PHACTR2: variants seen among roughly 807,000 people sequenced by gnomAD.
PHACTR2 encodes the protein phosphatase and actin regulator 2.
PHACTR2 carries 30 observed loss-of-function variants against 76.0 expected under a neutral mutation model. That is an observed-to-expected ratio of 0.39 (90% CI 0.30 to 0.54). The LOEUF (loss-of-function observed/expected upper bound fraction) is 0.54. PHACTR2 is among the 20% of genes least tolerant of loss of function. The pLI is 0.61. For synonymous variants in PHACTR2, 292 were observed against 292.5 expected (o/e 1.00, Z 0.02); for missense variants, 696 against 781.1 (o/e 0.89, Z 1.30).
rs1379101722 is a variant in PHACTR2 at position 143,821,257 on chromosome 6, G to A, written c.1923-2417G>A. ...TAGTAATAAATTGCCTACCAGTTTT[G>A]TAAAGCTTGGTATATCTTATTTTTC... On this transcript the variant is annotated intron_variant, in intron 12 of 12. Coordinates refer to ENST00000440869, the MANE Select transcript of PHACTR2 (RefSeq NM_001100164.2). The surrounding 1 kb of genome is among the most constrained non-coding windows in gnomAD (Gnocchi z 5.2). 6.6e-6 allele frequency among the ~76,000 whole-genome samples: 1 copy of A among 152,226 alleles called. No homozygotes were observed. Among genetic ancestry groups the A allele is most frequent in the African/African-American group, 2.4e-5 (1 of 41,458 alleles).
chr6:143,605,459 G>A (rs908882002), upstream of PHACTR2, among the ~76,000 whole-genome samples: 4 of 152,158 alleles, frequency 2.6e-5, no homozygotes, highest in African/African-American at 7.2e-5. This position sits in a 1 kb window ranked among gnomAD's most constrained non-coding sequence, Gnocchi z 5.0. Context: ...ATCAAGGGAG[G>A]GAGTGGATTC....
rs1776081311 is a variant in PHACTR2, at chr6:143,617,837, C to A, written c.13+9515C>A. Among the ~76,000 whole-genome samples the A allele has an allele frequency of 6.6e-6, 1 of 152,146 alleles. No individual in the cohort carries two copies. The highest frequency in any genetic ancestry group is 6.5e-5 in the Admixed American group (1 of 15,284). On this transcript the variant is annotated intron_variant, in intron 1 of 11. Coordinates refer to the PHACTR2 transcript ENST00000305766. This position sits in a 1 kb window ranked among gnomAD's most constrained non-coding sequence, Gnocchi z 4.8. Reference sequence around the variant, plus strand: ...GAAGCCAGACTTTCTATAATCCACCCTTGTGGAGTCTGTAGACTGGATCAA... The same window carrying A: ...GAAGCCAGACTTTCTATAATCCACCATTGTGGAGTCTGTAGACTGGATCAA...
In PHACTR2 at chr6:143,659,661, A is replaced by AG. The variant is rs760811252; in HGVS notation, c.13+51343dup. ...AAGACAGACGTGCCCTCTCAGGGGG[A>AG]GGGGATCACACAAAGGTGGATTACC... On this transcript the variant is annotated intron_variant, in intron 1 of 11. Coordinates refer to the PHACTR2 transcript ENST00000305766. The surrounding 1 kb of genome is among the most constrained non-coding windows in gnomAD (Gnocchi z 5.0). Among the ~76,000 whole-genome samples the AG allele has an allele frequency of 6.6e-5, 10 of 152,132 alleles. No individual in the cohort carries two copies. The highest frequency in any genetic ancestry group is 1.3e-4 in the Non-Finnish European group (9 of 68,014).
At chr6:143,594,953 G>A (rs1775732264) in intron 1 of PHACTR2, among the ~76,000 whole-genome samples, 1 of 152,216 alleles carries the variant, frequency 6.6e-6, no homozygotes, top group African/African-American at 2.4e-5. Flanking sequence ...TTTTAGCAGA[G>A]CTCCTTTGTA....
chr6:143,607,105 G>T (rs942493097), upstream of PHACTR2, among the ~76,000 whole-genome samples: 27 of 152,138 alleles, frequency 1.8e-4, no homozygotes, highest in Admixed American at 2.6e-4. Context: ...ATGGCATAAA[G>T]AAATGCTTAA....
chr6:143,634,082 A>C (rs1031553517), intron 1 of PHACTR2, among the ~76,000 whole-genome samples: 6 of 152,224 alleles, frequency 3.9e-5, no homozygotes, highest in African/African-American at 1.4e-4. Flanking sequence ...GAAGTAAAAT[A>C]ATCTCATGTA....
At position 143,611,342 on chromosome 6, in the gene PHACTR2, G is replaced by A. The variant is rs143810031; in HGVS notation, c.13+3020G>A. On this transcript the variant is annotated intron_variant, in intron 1 of 11. Coordinates refer to the PHACTR2 transcript ENST00000305766. This position sits in a 1 kb window ranked among gnomAD's most constrained non-coding sequence, Gnocchi z 4.4. ...GGTTCAAAGCCTTTTGACAATTGATGTACATTCATTGAGTTTGAGAAGGTC... is the reference window on the plus strand; with the variant it reads ...GGTTCAAAGCCTTTTGACAATTGATATACATTCATTGAGTTTGAGAAGGTC... Among the ~76,000 whole-genome samples, 14 of 152,254 alleles carry A rather than the reference G, an allele frequency of 9.2e-5. No individual in the cohort carries two copies. Among genetic ancestry groups the A allele is most frequent in the African/African-American group, 3.1e-4 (13 of 41,542 alleles).
intron 2 of PHACTR2, among the ~76,000 whole-genome samples, chr6:143,716,573 A>C (rs1778306819): frequency 6.6e-6 from 1 of 152,194 alleles, no homozygotes; most frequent in South Asian, 2.1e-4. Flanking sequence ...TCCCGGGCTC[A>C]AGCAATCTGC....
intron 1 of PHACTR2, among the ~76,000 whole-genome samples, chr6:143,614,051 A>C (rs113094458): frequency 0.088 from 13,337 of 152,000 alleles, 592 homozygotes; most frequent in East Asian, 0.14. Context: ...TGAAACCCCC[A>C]TCTCTACTAA....
intron 11 of PHACTR2, among the ~76,000 whole-genome samples, chr6:143,804,360 A>G (rs1304408591): frequency 6.6e-6 from 1 of 152,128 alleles, no homozygotes; most frequent in Non-Finnish European, 1.5e-5. Flanking sequence ...AGCTGGCTTT[A>G]AAGTAGCAAG....
In PHACTR2 at chr6:143,580,683, A is replaced by G. The variant is rs1463044061; in HGVS notation, c.217+43476A>G. 6.6e-6 allele frequency among the ~76,000 whole-genome samples: 1 copy of G among 152,212 alleles called. No homozygotes were observed. Among genetic ancestry groups the G allele is most frequent in the Non-Finnish European group, 1.5e-5 (1 of 68,040 alleles). ...GCAAGACTCCGTCTCAAAAAATAAAATAAAATAAAACAATAAAAAATAAAA... is the reference window on the plus strand; with the variant it reads ...GCAAGACTCCGTCTCAAAAAATAAAGTAAAATAAAACAATAAAAAATAAAA... On this transcript the variant is annotated intron_variant, in intron 1 of 11. Transcript: ENST00000367584. This position sits in a 1 kb window ranked among gnomAD's most constrained non-coding sequence, Gnocchi z 4.2.
intron 2 of PHACTR2, among the ~76,000 whole-genome samples, chr6:143,746,390 G>A (rs1022810206): frequency 6.6e-6 from 1 of 152,138 alleles, no homozygotes; most frequent in Admixed American, 6.6e-5. Flanking sequence ...ATGAGCAAAG[G>A]GCCGGTTAGG....
chr6:143,804,623 G>A (rs1304198051), intron 11 of PHACTR2, among the ~76,000 whole-genome samples: 1 of 152,144 alleles, frequency 6.6e-6, no homozygotes, highest in Non-Finnish European at 1.5e-5. Context: ...CAATATGATG[G>A]ATCTATAGCA....
Position 143,618,595 on chromosome 6 carries a change from G to A in PHACTR2, c.13+10273G>A, listed in dbSNP as rs181439556. The stretch of plus-strand genomic sequence containing the variant: ...TATTGGGAGGATCCACCAGGGACTG[G>A]CAGGGGAGGCTGGGGGGGGATAGGG... On this transcript the variant is annotated intron_variant, in intron 1 of 11. Transcript: ENST00000305766. This position sits in a 1 kb window ranked among gnomAD's most constrained non-coding sequence, Gnocchi z 5.2. Among the ~76,000 whole-genome samples the A allele has an allele frequency of 1.0e-4, 9 of 86,438 alleles. No homozygotes were observed. In the East Asian group the frequency reaches 2.0e-3, roughly 19 times the overall value. The allele number at this position is 86,438 out of a possible 152,430, so 56.7% of individuals were successfully genotyped here. A position where few individuals can be genotyped will look rare whatever the true frequency, so the allele number is the denominator to read the frequency against.
In PHACTR2 at chr6:143,753,921, A is replaced by C; in HGVS notation, c.454+9A>C. On this transcript the variant is annotated intron_variant, in intron 4 of 12. Transcript: ENST00000440869. This position sits in a 1 kb window ranked among gnomAD's most constrained non-coding sequence, Gnocchi z 4.6. ...GGCAGAAGATAAGAAAGGTAAAATAAAGACAAACCCATATTATTTACTTTA... is the reference window on the plus strand; with the variant it reads ...GGCAGAAGATAAGAAAGGTAAAATACAGACAAACCCATATTATTTACTTTA... The C allele has an allele frequency of 1.3e-6, 2 of 1,590,034 alleles. No individual in the cohort carries two copies. Among genetic ancestry groups the C allele is most frequent in the Non-Finnish European group, 1.7e-6 (2 of 1,170,748 alleles).
In PHACTR2 at chr6:143,754,642, A is replaced by G. The variant is rs767530013; in HGVS notation, c.454+730A>G. On this transcript the variant is annotated intron_variant, in intron 4 of 12. Coordinates refer to ENST00000440869, the MANE Select transcript of PHACTR2 (RefSeq NM_001100164.2). This position sits in a 1 kb window ranked among gnomAD's most constrained non-coding sequence, Gnocchi z 6.2. ...ACTCCCAGAACATTCACAAATTCCT[A>G]GTTATGGATTGATGACATCTCGATA... 9.2e-5 allele frequency among the ~76,000 whole-genome samples: 14 copies of G among 152,214 alleles called. No individual in the cohort carries two copies. The highest frequency in any genetic ancestry group is 1.8e-4 in the Non-Finnish European group (12 of 68,038).
chr6:143,802,894 C>T (rs1775989538), intron 11 of PHACTR2, among the ~76,000 whole-genome samples: 1 of 152,088 alleles, frequency 6.6e-6, no homozygotes, highest in Non-Finnish European at 1.5e-5. Context: ...CATTCTATTT[C>T]TTTAATTGCC....
In PHACTR2 at chr6:143,652,795, G is replaced by A. The variant is rs147026396; in HGVS notation, c.13+44473G>A. Among the ~76,000 whole-genome samples, 422 of 152,280 alleles carry A rather than the reference G, an allele frequency of 2.8e-3. 1 individual carries two copies. Among genetic ancestry groups the A allele is most frequent in the African/African-American group, 9.7e-3 (401 of 41,548 alleles). The stretch of plus-strand genomic sequence containing the variant: ...AAGTCTTGGCTGTCACACCTGGACC[G>A]CCTGCTCTGGTCATGTGTGTGTGTG... On this transcript the variant is annotated intron_variant, in intron 1 of 11. Transcript: ENST00000305766. This position sits in a 1 kb window ranked among gnomAD's most constrained non-coding sequence, Gnocchi z 4.5.
Position 143,547,075 on chromosome 6 carries a change from A to G in PHACTR2, c.217+9868A>G, listed in dbSNP as rs1775011437. ...ATATGGCTTATGGTTAGTAAGTGTT[A>G]TAGAATTTATGTCTTCAAATGAGTG... On this transcript the variant is annotated intron_variant, in intron 1 of 11. Transcript: ENST00000367584. The surrounding 1 kb of genome is among the most constrained non-coding windows in gnomAD (Gnocchi z 4.2). 6.6e-6 allele frequency among the ~76,000 whole-genome samples: 1 copy of G among 152,018 alleles called. No homozygotes were observed. The highest frequency in any genetic ancestry group is 1.5e-5 in the Non-Finnish European group (1 of 68,000).
Sources: allele counts gnomAD v4.1 joint callset (sites outside exome capture counted in the v4.1 genomes callset), GRCh38; gene constraint gnomAD v4.1.1; non-coding constraint Gnocchi (gnomAD v3.1); transcripts MANE v1.5; gene names NCBI Gene and HGNC (gene_info 2026-07-23, HGNC 2026-07-21).